The following GLIPR1L2 variants were observed in gnomAD, a reference collection of about 807,000 sequenced individuals.
GLIPR1L2 encodes GLIPR1 like 2.
In GLIPR1L2, 21 loss-of-function variants were observed where a neutral mutation model predicts 28.4. The observed-to-expected ratio is 0.74, with a 90% CI of 0.52 to 1.06. The LOEUF (loss-of-function observed/expected upper bound fraction) is 1.06, where lower values mean the gene tolerates loss of function less well. Ranked by LOEUF, GLIPR1L2 falls within the 50% of genes least tolerant of loss-of-function variation. The pLI, the probability that GLIPR1L2 is intolerant of heterozygous loss-of-function variation, is 0.00. For missense variants in GLIPR1L2, 476 were observed against 416.9 expected (o/e 1.14, Z -1.23); for synonymous variants, 145 against 139.3 (o/e 1.04, Z -0.29).
chr12:75,413,685 T>C lies in GLIPR1L2; in HGVS notation c.568T>C (p.Cys190Arg), dbSNP rs2045895507. The change falls in exon 3 of 6, where the codon TGC becomes CGC. Residue 190 changes from cysteine (C) to arginine (R), a missense_variant. Cys to Arg is a radical substitution (Grantham distance 180, BLOSUM62 -3). Transcript: ENST00000550916. ...TATTATACATGCAGCAATTTTCATA[T>C]GCAACTATGCGCCAGGGTAAGTTAC... ...GHIIHAAIFI[C>R]NYAPGGTLTR... 1.3e-6 allele frequency: 2 copies of C among 1,489,386 alleles called. No homozygotes were observed. Among genetic ancestry groups the C allele is most frequent in the Admixed American group, 2.1e-5 (1 of 47,970 alleles). The allele number at this position is 1,489,386 out of a possible 1,614,324, so 92.3% of individuals were successfully genotyped here.
At position 75,396,138 on chromosome 12, in the gene GLIPR1L2, A is replaced by C. The variant is rs368489750; in HGVS notation, c.234+4788A>C. 2.6e-5 allele frequency among the ~76,000 whole-genome samples: 4 copies of C among 151,914 alleles called. No individual in the cohort carries two copies. In the South Asian group the frequency reaches 8.3e-4, roughly 31 times the overall value. On this transcript the variant is annotated intron_variant, in intron 1 of 5. Coordinates refer to ENST00000550916, the MANE Select transcript of GLIPR1L2 (RefSeq NM_001270396.2). ...TTTCTTTTTTGATTCATTGCTTAAG[A>C]GTGTGTTGCTTAGCATTATTATTTC...
At chr12:75,429,028 A>G (rs893539263) in intron 4 of GLIPR1L2, among the ~76,000 whole-genome samples, 2 of 152,196 alleles carry the variant, frequency 1.3e-5, no homozygotes, top group East Asian at 3.9e-4. Context: ...CAGAGGGGAA[A>G]TGTGGAGTGG....
chr12:75,431,049 AAGAG>A lies in GLIPR1L2; in HGVS notation c.925_928del (p.Glu309LysfsTer8). ...GAGGAGGAAAAAGAGGAAGAGAAGA[AAGAG>A]AAAGAGGAAATGGAAATGGAAATAA... On this transcript the variant is annotated frameshift_variant, in exon 6 of 6. Transcript: ENST00000550916. LOFTEE classifies it low-confidence loss of function (END_TRUNC). 1 of 1,472,206 alleles carries A rather than the reference AAGAG, an allele frequency of 6.8e-7. No homozygotes were observed. Among genetic ancestry groups the A allele is most frequent in the Non-Finnish European group, 9.2e-7 (1 of 1,088,876 alleles). The allele number at this position is 1,472,206 out of a possible 1,614,324, so 91.2% of individuals were successfully genotyped here.
In GLIPR1L2 at chr12:75,401,429, T is replaced by C. The variant is rs552004459; in HGVS notation, c.235-9005T>C. ...GAAGATAAAATAAAGGCCTTCGCAC[T>C]GGCCAAAATAGAAAATATATCAAGT... On this transcript the variant is annotated intron_variant, in intron 1 of 5. Transcript: ENST00000550916. Among the ~76,000 whole-genome samples, 22 of 151,718 alleles carry C rather than the reference T, an allele frequency of 1.5e-4. No individual in the cohort carries two copies. In the South Asian group the frequency reaches 1.9e-3, roughly 13 times the overall value.
rs1044131263 is a variant in GLIPR1L2 at position 75,432,633 on chromosome 12, T to G, written c.*1472T>G. The G allele has an allele frequency of 6.6e-6, 1 of 152,120 alleles. No individual in the cohort carries two copies. Among genetic ancestry groups the G allele is most frequent in the Non-Finnish European group, 1.5e-5 (1 of 67,990 alleles). The allele number at this position is 152,120 out of a possible 1,614,324, so 9.4% of individuals were successfully genotyped here. A position where few individuals can be genotyped will look rare whatever the true frequency, so the allele number is the denominator to read the frequency against. The stretch of plus-strand genomic sequence containing the variant: ...GTATCAATATTCTGTTAAAAACCTG[T>G]TCGAAGTAGGGCAAGATGAGAATTA... On this transcript the variant is annotated 3_prime_UTR_variant, in exon 6 of 6. Transcript: ENST00000550916.
chr12:75,412,358 C>T (rs2045876664), intron 2 of GLIPR1L2, among the ~76,000 whole-genome samples: 3 of 152,128 alleles, frequency 2.0e-5, no homozygotes, highest in African/African-American at 7.2e-5. Context: ...TCTAATTAAA[C>T]TAAAAAGCTT....
chr12:75,428,497 C>A (rs2046056427), intron 4 of GLIPR1L2, among the ~76,000 whole-genome samples: 1 of 150,260 alleles, frequency 6.7e-6, no homozygotes, highest in African/African-American at 2.5e-5. Context: ...AAATTTGCAA[C>A]CTGACCATGT....
rs144850413 is a variant in GLIPR1L2, at chr12:75,391,215, A to G, written c.99A>G (p.Leu33=). The G allele has an allele frequency of 1.7e-5, 27 of 1,614,084 alleles. No individual in the cohort carries two copies. In the African/African-American group the frequency reaches 2.4e-4, roughly 14 times the overall value. Residue 33 remains leucine (L), a synonymous_variant, in exon 1 of 6, where the codon CTA becomes CTG. Coordinates refer to ENST00000550916, the MANE Select transcript of GLIPR1L2 (RefSeq NM_001270396.2). ...AGCTGCGGCTCTGTGAGCTGTGGCT[A>G]CTGCTACTGGGTTCTAGTTTGAACG... ...VLKLRLCELW[L]LLLGSSLNAR... is the part of the protein sequence containing the mutation.
At chr12:75,400,132 T>G (rs1256466670) in intron 1 of GLIPR1L2, among the ~76,000 whole-genome samples, 1 of 152,184 alleles carries the variant, frequency 6.6e-6, no homozygotes, top group Non-Finnish European at 1.5e-5. Context: ...TTATTTTTAT[T>G]TTTTGAGACA....
chr12:75,391,513 T>C, intron 1 of GLIPR1L2, 163 bp downstream of exon 1: 1 of 1,535,224 alleles, frequency 6.5e-7, no homozygotes, highest in African/African-American at 1.4e-5. Flanking sequence ...AGAGAAAAAC[T>C]GCGGACACTC....
Position 75,430,754 on chromosome 12 carries a change from G to A in GLIPR1L2, c.697+13G>A, listed in dbSNP as rs1368225419. 1.6e-5 allele frequency: 25 copies of A among 1,534,624 alleles called. No homozygotes were observed. Among genetic ancestry groups the A allele is most frequent in the Non-Finnish European group, 2.1e-5 (24 of 1,146,404 alleles). On this transcript the variant is annotated intron_variant, in intron 5 of 5. Transcript: ENST00000550916. ...GACCAAGCCACATGTATGTATTGTT[G>A]TCCTTTATTTCTTGAACAATTGAAC...
chr12:75,423,255 C>A (rs1159900997), intron 4 of GLIPR1L2: 2 of 1,266,990 alleles, frequency 1.6e-6, no homozygotes, highest in East Asian at 3.4e-5. Context: ...ACAGTTATAC[C>A]CTTAAAAAGC....
At chr12:75,416,725 T>TA (rs2045926967) in intron 3 of GLIPR1L2, among the ~76,000 whole-genome samples, 1 of 152,170 alleles carries the variant, frequency 6.6e-6, no homozygotes, top group African/African-American at 2.4e-5. Flanking sequence ...AAGATGAAGC[T>TA]ACCAGTTGTT....
At chr12:75,428,201 G>T (rs1193880168) in intron 4 of GLIPR1L2, among the ~76,000 whole-genome samples, 1 of 152,126 alleles carries the variant, frequency 6.6e-6, no homozygotes, top group Admixed American at 6.5e-5. Context: ...AGGCTGAGGT[G>T]GTCTCAGATG....
intron 3 of GLIPR1L2, among the ~76,000 whole-genome samples, chr12:75,421,010 T>C (rs1412620381): frequency 6.6e-6 from 1 of 152,212 alleles, no homozygotes; most frequent in East Asian, 1.9e-4. Context: ...CTTGGGGTGA[T>C]GGGACTATGC....
At chr12:75,398,161 C>G (rs1425433310) in intron 1 of GLIPR1L2, among the ~76,000 whole-genome samples, 5 of 151,664 alleles carry the variant, frequency 3.3e-5, no homozygotes, top group African/African-American at 1.2e-4. Context: ...GAAACCCTGT[C>G]CCTACTAACA....
intron 1 of GLIPR1L2, 45 bp from the exon 2 acceptor site, chr12:75,410,389 A>T: frequency 1.4e-6 from 2 of 1,440,286 alleles, no homozygotes; most frequent in Non-Finnish European, 1.8e-6. Context: ...TTAGACTACA[A>T]AAAAAAACTT....
intron 4 of GLIPR1L2, among the ~76,000 whole-genome samples, chr12:75,425,591 T>G (rs2046026351): frequency 6.6e-6 from 1 of 152,210 alleles, no homozygotes; most frequent in African/African-American, 2.4e-5. Context: ...AGACAATTTT[T>G]CAGCATAAAC....
intron 3 of GLIPR1L2, among the ~76,000 whole-genome samples, chr12:75,417,572 C>T (rs1214282013): frequency 6.6e-6 from 1 of 151,726 alleles, no homozygotes; most frequent in Non-Finnish European, 1.5e-5. Context: ...AAATTTTTCT[C>T]AGAAACACAA....
Sources: gnomAD v4.1 joint callset for allele counts (sites outside exome capture counted in the v4.1 genomes callset) on GRCh38, gnomAD v4.1.1 for gene constraint, MANE v1.5 for transcripts, NCBI Gene and HGNC (gene_info 2026-07-23, HGNC 2026-07-21) for gene names.